Variants in CYBA observed in about 807,000 individuals in gnomAD.
CYBA encodes cytochrome b-245 light chain.
In CYBA, 21 loss-of-function variants were observed where a neutral mutation model predicts 20.8. That is an observed-to-expected ratio of 1.01 (90% CI 0.72 to 1.46). The LOEUF (loss-of-function observed/expected upper bound fraction) is 1.46, where lower values mean the gene tolerates loss of function less well. Ranked by LOEUF, CYBA falls within the 40% of genes most tolerant of loss-of-function variation. The pLI, the probability that CYBA is intolerant of heterozygous loss-of-function variation, is 0.00. For synonymous variants in CYBA, 164 were observed against 127.5 expected, an observed-to-expected ratio of 1.29 and a Z score of -1.93; for missense variants, 344 against 287.0, an observed-to-expected ratio of 1.20 and a Z score of -1.43.
intron 1 of CYBA, 191 bp downstream of exon 1, chr16:88,650,765 C>A: frequency 1.6e-6 from 1 of 642,268 alleles, no homozygotes; most frequent in Non-Finnish European, 2.8e-6. Flanking sequence ...CTGGGGGTCT[C>A]AGAACTCCTC....
rs374776337 is a variant in CYBA at position 88,648,068 on chromosome 16, C to G, written c.105G>C (p.Gln35His). The G allele has an allele frequency of 2.5e-6, 4 of 1,613,104 alleles. No individual in the cohort carries two copies. The highest frequency in any genetic ancestry group is 3.4e-6 in the Non-Finnish European group (4 of 1,179,834). Residue 35 changes from glutamine to histidine, a missense_variant, in exon 2 of 6, where the codon CAG becomes CAC. Transcript: ENST00000261623. ...GIVATAGRFT[Q>H]WYFGAYSIVA... ...ACATGGAGTAGGCACCAAAGTACCA[C>G]TGGGTGAAGCGCCCAGCTGTGGCCA...
intron 2 of CYBA, 73 bp from the exon 3 acceptor site, chr16:88,647,248 A>C: frequency 1.4e-6 from 2 of 1,449,952 alleles, no homozygotes; most frequent in Non-Finnish European, 9.5e-7. Context: ...ACTGAAGACA[A>C]CACAGAGAGG....
rs1338387384 is a variant in CYBA, at chr16:88,643,690, G to A, written c.370-119C>T. The A allele has an allele frequency of 1.3e-5, 13 of 968,982 alleles. No homozygotes were observed. The highest frequency in any genetic ancestry group is 2.0e-5 in the Non-Finnish European group (13 of 650,512). The allele number at this position is 968,982 out of a possible 1,614,324, so 60.0% of individuals were successfully genotyped here. On this transcript the variant is annotated intron_variant, in intron 5 of 5. Coordinates refer to ENST00000261623, the MANE Select transcript of CYBA (RefSeq NM_000101.4). The surrounding 1 kb of genome is among the most constrained non-coding windows in gnomAD (Gnocchi z 4.3). ...CAGGCTCAAGTCTGAATCCCACGCA[G>A]GATGGTGTGACTGCCACTCAGAGAG...
intron 5 of CYBA, among the ~76,000 whole-genome samples, chr16:88,644,493 A>G (rs1372622013): frequency 1.3e-5 from 2 of 152,250 alleles, no homozygotes; most frequent in Admixed American, 1.3e-4. Flanking sequence ...ACAAAGGCTA[A>G]ATAGCTAAAA....
In CYBA at chr16:88,643,811, C is replaced by T. The variant is rs570640647; in HGVS notation, c.370-240G>A. Among the ~76,000 whole-genome samples the T allele has an allele frequency of 6.0e-4, 91 of 152,376 alleles. No individual in the cohort carries two copies. Among genetic ancestry groups the T allele is most frequent in the African/African-American group, 2.0e-3 (84 of 41,594 alleles). Reference sequence around the variant, plus strand: ...CATGCCAGGAGTGGGGCCCGAACCCCTGGGCTTCTGGAAGATCCCGTGGTG... The same window carrying T: ...CATGCCAGGAGTGGGGCCCGAACCCTTGGGCTTCTGGAAGATCCCGTGGTG... On this transcript the variant is annotated intron_variant, in intron 5 of 5. Coordinates refer to ENST00000261623, the MANE Select transcript of CYBA (RefSeq NM_000101.4). The surrounding 1 kb of genome is among the most constrained non-coding windows in gnomAD (Gnocchi z 4.3).
At chr16:88,647,898 C>T in intron 2 of CYBA, 147 bp downstream of exon 2, 1 of 771,792 alleles carries the variant, frequency 1.3e-6, no homozygotes, top group Non-Finnish European at 2.2e-6. Context: ...CTGCTGGGGC[C>T]TGGGCTGCCC....
intron 1 of CYBA, 61 bp from the exon 2 acceptor site, chr16:88,648,175 C>T (rs558349758): frequency 6.7e-7 from 1 of 1,503,210 alleles, no homozygotes. Context: ...GGGCCACCCC[C>T]CTTCTCTACC....
chr16:88,644,001 C>G (rs1907186953), intron 5 of CYBA, among the ~76,000 whole-genome samples: 2 of 152,200 alleles, frequency 1.3e-5, no homozygotes. Flanking sequence ...GCCGGCAGCC[C>G]CCCAAGGGTG....
chr16:88,643,466 G>T lies in CYBA; in HGVS notation c.475C>A (p.Pro159Thr). 6.5e-7 allele frequency: 1 copy of T among 1,532,188 alleles called. No homozygotes were observed. Among genetic ancestry groups the T allele is most frequent in the Non-Finnish European group, 8.7e-7 (1 of 1,144,000 alleles). 94.9% of individuals were successfully genotyped at this position (1,532,188 alleles called of 1,614,324 possible). A position where few individuals can be genotyped will look rare whatever the true frequency, so the allele number is the denominator to read the frequency against. ...KQPPSNPPPR[P>T]PAEARKKPSE... is the part of the protein sequence containing the mutation. ...GGCTTCTTGCGGGCCTCGGCCGGGG[G>T]CCGCGGCGGGGGGTTGCTGGGCGGC... Residue 159 changes from proline (P) to threonine (T), a missense_variant, in exon 6 of 6, where the codon CCC (proline) becomes ACC (threonine). Coordinates refer to ENST00000261623, the MANE Select transcript of CYBA (RefSeq NM_000101.4). The surrounding 1 kb of genome is among the most constrained non-coding windows in gnomAD (Gnocchi z 4.3).
In CYBA at chr16:88,645,592, C is replaced by A. The variant is rs72558368; in HGVS notation, c.369+524G>T. The stretch of plus-strand genomic sequence containing the variant: ...GCTGCGCCCTGTCCTCCCACCCATC[C>A]CTGGCCTCTCAGAGAGATCACTGTA... On this transcript the variant is annotated intron_variant, in intron 5 of 5. Coordinates refer to ENST00000261623, the MANE Select transcript of CYBA (RefSeq NM_000101.4). The A allele has an allele frequency of 9.6e-4, 587 of 613,878 alleles. 9 individuals carry two copies. In the African/African-American group the frequency reaches 0.01, roughly 11 times the overall value. 38.0% of individuals were successfully genotyped at this position (613,878 alleles called of 1,614,324 possible).
At chr16:88,649,356 T>A (rs1186668786) in intron 1 of CYBA, among the ~76,000 whole-genome samples, 1 of 152,162 alleles carries the variant, frequency 6.6e-6, no homozygotes, top group East Asian at 1.9e-4. Context: ...GAGGGCAGTG[T>A]CCTTGAGTCT....
intron 1 of CYBA, chr16:88,650,567 C>T: frequency 2.0e-6 from 1 of 498,878 alleles, no homozygotes; most frequent in Non-Finnish European, 3.9e-6. Context: ...TACCGAGGGG[C>T]AGGGGAGCTT....
chr16:88,646,501 C>A (rs1174073149), intron 4 of CYBA: 5 of 698,460 alleles, frequency 7.2e-6, no homozygotes, highest in Non-Finnish European at 1.3e-5. Context: ...GGCAAGACCC[C>A]CCAGCAGTGC....
At chr16:88,650,435 C>G (rs1195023602) in intron 1 of CYBA, 1 of 458,218 alleles carries the variant, frequency 2.2e-6, no homozygotes, top group African/African-American at 2.0e-5. Flanking sequence ...TGGGTGGTTT[C>G]GGCGCCTTGT....
chr16:88,645,338 A>G, intron 5 of CYBA: 1 of 702,460 alleles, frequency 1.4e-6, no homozygotes, highest in African/African-American at 1.7e-5. Context: ...GAAGGCGTAC[A>G]CAGAAAGTGC....
chr16:88,646,192 G>T lies in CYBA; in HGVS notation c.293C>A (p.Ser98Ter), dbSNP rs201755210. The T allele has an allele frequency of 1.3e-6, 2 of 1,552,744 alleles. No homozygotes were observed. ...YVRAVLHLLL[S>*]VPAGFLLATI... is the part of the protein sequence containing the mutation. ...GGCCAGCAGGAAGCCGGCGGGCACC[G>T]AGAGCCTGGGGGACAGCGGGTGAGA... Residue 98 changes from serine (S) to a stop codon, truncating the protein, a stop_gained, in exon 5 of 6, where the codon TCG (serine) becomes TAG (stop). Coordinates refer to ENST00000261623, the MANE Select transcript of CYBA (RefSeq NM_000101.4). LOFTEE classifies it high-confidence loss of function.
chr16:88,643,426 G>T lies in CYBA; in HGVS notation c.515C>A (p.Ala172Asp). The T allele has an allele frequency of 6.5e-7, 1 of 1,535,260 alleles. No homozygotes were observed. Among genetic ancestry groups the T allele is most frequent in the South Asian group, 1.2e-5 (1 of 83,476 alleles). The change falls in exon 6 of 6, where the codon GCT (alanine) becomes GAT (aspartate). Residue 172 changes from alanine (A) to aspartate (D), a missense_variant. Physicochemically the swap from Ala to Asp is moderately radical, Grantham distance 126. Coordinates refer to ENST00000261623, the MANE Select transcript of CYBA (RefSeq NM_000101.4). The surrounding 1 kb of genome is among the most constrained non-coding windows in gnomAD (Gnocchi z 4.3). ...CGGGGGTCCCCCCGCCGCCACCGCA[G>T]CCTCCTCCTCGCTGGGCTTCTTGCG... ...EARKKPSEEEAAVAAGGPPGG... is the reference protein window; with the variant it reads ...EARKKPSEEEDAVAAGGPPGG...
intron 3 of CYBA, 66 bp downstream of exon 3, chr16:88,647,035 C>A: frequency 6.8e-7 from 1 of 1,473,606 alleles, no homozygotes; most frequent in Non-Finnish European, 9.3e-7. Context: ...AAGCTCCACC[C>A]AACCCTGTGA....
In CYBA at chr16:88,648,120, G is replaced by T; in HGVS notation, c.59-6C>A. The T allele has an allele frequency of 6.2e-7, 1 of 1,609,490 alleles. No homozygotes were observed. ...GATGCCCCCGGTGATGAGGACTGCG[G>T]GGAGAAGTGGGTCAGGCACTGTGGG... On this transcript the variant is annotated splice_polypyrimidine_tract_variant and splice_region_variant and intron_variant, in intron 1 of 5. Coordinates refer to ENST00000261623, the MANE Select transcript of CYBA (RefSeq NM_000101.4).
Sources: allele counts gnomAD v4.1 joint callset (sites outside exome capture counted in the v4.1 genomes callset), GRCh38; gene constraint gnomAD v4.1.1; non-coding constraint Gnocchi (gnomAD v3.1); transcripts MANE v1.5; gene names NCBI Gene and HGNC (gene_info 2026-07-23, HGNC 2026-07-21).